Variants in CNTNAP1 observed in about 807,000 individuals in gnomAD.
CNTNAP1 encodes contactin associated protein 1, also known as contactin-associated protein 1.
A neutral mutation model predicts 161.5 loss-of-function variants in CNTNAP1; 80 were observed. The ratio of observed to expected loss-of-function variants is 0.50; its 90% CI spans 0.41 to 0.60. The LOEUF (loss-of-function observed/expected upper bound fraction) is 0.60, where lower values mean the gene tolerates loss of function less well. Ranked by LOEUF, CNTNAP1 falls within the 20% of genes least tolerant of loss-of-function variation. The probability of loss-of-function intolerance (pLI) is 0.00; values close to 1 mark genes in which losing one functional copy is unlikely to be tolerated. For missense variants in CNTNAP1, 1,464 were observed against 1,854.8 expected, an observed-to-expected ratio of 0.79 and a Z score of 3.87; for synonymous variants, 695 against 733.1, an observed-to-expected ratio of 0.95 and a Z score of 0.84.
In CNTNAP1 at chr17:42,687,707, C is replaced by T. The variant is rs780211584; in HGVS notation, c.1045-13C>T. 4 of 1,612,984 alleles carry T rather than the reference C, an allele frequency of 2.5e-6. No homozygotes were observed. The highest frequency in any genetic ancestry group is 1.3e-5 in the African/African-American group (1 of 74,876). ...GCTCACGGGTGTTGATGCGTCTTCA[C>T]TTTTGCCCCTAGGGTAAGGTGGCTT... On this transcript the variant is annotated splice_polypyrimidine_tract_variant and intron_variant, in intron 7 of 23. Coordinates refer to ENST00000264638, the MANE Select transcript of CNTNAP1 (RefSeq NM_003632.3). This position sits in a 1 kb window ranked among gnomAD's most constrained non-coding sequence, Gnocchi z 4.7.
In CNTNAP1 at chr17:42,690,762, C is replaced by T. The variant is rs1028647207; in HGVS notation, c.1879C>T (p.Arg627Trp). 1.4e-5 allele frequency: 22 copies of T among 1,614,000 alleles called. No individual in the cohort carries two copies. The highest frequency in any genetic ancestry group is 4.4e-5 in the South Asian group (4 of 91,082). Residue 627 changes from arginine (R) to tryptophan (W), a missense_variant, in exon 13 of 24, where the codon CGG becomes TGG. Transcript: ENST00000264638. ...IRENRAWTVV[R>W]HDRLWTTRVT... ...AGAGAACCGAGCGTGGACAGTTGTG[C>T]GGCATGACAGGCTGTGGACAACTCG... is the stretch of plus-strand genomic sequence containing the variant.
intron 18 of CNTNAP1, among the ~76,000 whole-genome samples, chr17:42,693,829 C>T (rs967550325): frequency 6.6e-6 from 1 of 151,968 alleles, no homozygotes; most frequent in African/African-American, 2.4e-5. Flanking sequence ...CGAGACCAGC[C>T]TGGGCAACAT....
rs762914480 is a variant in CNTNAP1, at chr17:42,689,060, C to T, written c.1628+13C>T. ...GCATCACTGATAGGTACCCAGAAGCCCCTAACAAGAGATGACCCCTCCAAA... is the reference window on the plus strand; with the variant it reads ...GCATCACTGATAGGTACCCAGAAGCTCCTAACAAGAGATGACCCCTCCAAA... On this transcript the variant is annotated intron_variant, in intron 10 of 23. Coordinates refer to ENST00000264638, the MANE Select transcript of CNTNAP1 (RefSeq NM_003632.3). The T allele has an allele frequency of 4.5e-6, 7 of 1,548,308 alleles. No homozygotes were observed.
Position 42,687,905 on chromosome 17 carries a change from G to A in CNTNAP1, c.1230G>A (p.Val410=). The A allele has an allele frequency of 1.2e-6, 2 of 1,614,224 alleles. No homozygotes were observed. Among genetic ancestry groups the A allele is most frequent in the Non-Finnish European group, 1.7e-6 (2 of 1,180,044 alleles). The part of the protein sequence containing the change: ...FSRLGDGLGH[V]ELTLSEGQVN... ...GTCTGGGGGACGGGCTGGGCCACGT[G>A]GAGCTGACGCTCAGCGAAGGGCAGG... Residue 410 remains valine (V), a synonymous_variant, in exon 8 of 24, where the codon GTG becomes GTA. Transcript: ENST00000264638. The surrounding 1 kb of genome is among the most constrained non-coding windows in gnomAD (Gnocchi z 4.7).
Position 42,684,241 on chromosome 17 carries a change from G to A in CNTNAP1, c.363+12G>A, listed in dbSNP as rs1285263627. 6 of 1,606,852 alleles carry A rather than the reference G, an allele frequency of 3.7e-6. No homozygotes were observed. The highest frequency in any genetic ancestry group is 1.7e-5 in the Admixed American group (1 of 59,668). On this transcript the variant is annotated intron_variant, in intron 3 of 23. Coordinates refer to ENST00000264638, the MANE Select transcript of CNTNAP1 (RefSeq NM_003632.3). ...GAGGGCACAACTCGGTACTCTGGGC[G>A]CCAAGGCGGTAACACTTGGGGAGCT...
At chr17:42,693,252 C>T (rs962905209) in intron 17 of CNTNAP1, 45 bp from the exon 18 acceptor site, 1 of 1,608,192 alleles carries the variant, frequency 6.2e-7, no homozygotes, top group African/African-American at 1.3e-5. Flanking sequence ...AGCCACCGCG[C>T]CTGGCCCTGC....
At position 42,687,675 on chromosome 17, in the gene CNTNAP1, A is replaced by T; in HGVS notation, c.1045-45A>T. 6.3e-7 allele frequency: 1 copy of T among 1,597,720 alleles called. No homozygotes were observed. Among genetic ancestry groups the T allele is most frequent in the Non-Finnish European group, 8.5e-7 (1 of 1,170,244 alleles). On this transcript the variant is annotated intron_variant, in intron 7 of 23. Coordinates refer to ENST00000264638, the MANE Select transcript of CNTNAP1 (RefSeq NM_003632.3). This position sits in a 1 kb window ranked among gnomAD's most constrained non-coding sequence, Gnocchi z 4.7. The stretch of plus-strand genomic sequence containing the variant: ...TGAAAACTGAATTCCCAGCTGAGGC[A>T]GAGGCGGCTCACGGGTGTTGATGCG...
intron 23 of CNTNAP1, 73 bp downstream of exon 23, chr17:42,698,023 G>A: frequency 6.5e-7 from 1 of 1,548,872 alleles, no homozygotes; most frequent in Admixed American, 1.7e-5. Context: ...CCCTGCCCCT[G>A]ATCCCCAAGG....
intron 8 of CNTNAP1, 118 bp from the exon 9 acceptor site, chr17:42,688,344 C>G: frequency 2.2e-6 from 3 of 1,360,338 alleles, no homozygotes; most frequent in Non-Finnish European, 2.1e-6. Flanking sequence ...GAAGTGTAAT[C>G]ACGGGGGCAC....
Position 42,692,548 on chromosome 17 carries a change from C to T in CNTNAP1, c.2580C>T (p.Asn860=). Residue 860 remains asparagine (N), a synonymous_variant, in exon 17 of 24, where the codon AAC becomes AAT. Transcript: ENST00000264638. ...TTGATGTGGGGAATGGGGATGAGAA[C>T]CTCACAGTACACTCAGACGACTTTG... ...FAFDVGNGDE[N]LTVHSDDFEF... is the part of the protein sequence containing the mutation. 1 of 1,614,194 alleles carries T rather than the reference C, an allele frequency of 6.2e-7. No homozygotes were observed. The highest frequency in any genetic ancestry group is 8.5e-7 in the Non-Finnish European group (1 of 1,180,038).
intron 18 of CNTNAP1, 107 bp from the exon 19 acceptor site, chr17:42,695,414 T>C: frequency 1.1e-6 from 1 of 869,838 alleles, no homozygotes; most frequent in Non-Finnish European, 1.8e-6. Context: ...GTTGTGAGGG[T>C]GGCAGAAACT....
rs754000755 is a variant in CNTNAP1 at position 42,690,887 on chromosome 17, T to C, written c.2004T>C (p.His668=). 6.2e-7 allele frequency: 1 copy of C among 1,614,204 alleles called. No individual in the cohort carries two copies. The highest frequency in any genetic ancestry group is 8.5e-7 in the Non-Finnish European group (1 of 1,180,042). ...GTGCCCTTGCCAATGCTTCCCAGCA[T>C]TGTGAACAGTGGATCGAGTTCTCCT... ...EVSALANASQ[H]CEQWIEFSCY... is the part of the protein sequence containing the mutation. The change falls in exon 13 of 24, where the codon CAT becomes CAC. Residue 668 remains histidine (H), a synonymous_variant. Coordinates refer to ENST00000264638, the MANE Select transcript of CNTNAP1 (RefSeq NM_003632.3).
chr17:42,682,601 A>C lies in CNTNAP1; in HGVS notation c.-229A>C. 1.8e-6 allele frequency: 1 copy of C among 558,362 alleles called. No individual in the cohort carries two copies. The highest frequency in any genetic ancestry group is 3.2e-6 in the Non-Finnish European group (1 of 314,908). The allele number at this position is 558,362 out of a possible 1,614,324, so 34.6% of individuals were successfully genotyped here. On this transcript the variant is annotated 5_prime_UTR_variant, in exon 1 of 24. Transcript: ENST00000264638. ...TGAGAGGAAAGAGGGTGGAAAGGAG[A>C]GGATAGAGAGAGAAGAGCGGAGGAC...
Position 42,690,730 on chromosome 17 carries a change from G to T in CNTNAP1, c.1856-9G>T. 2 of 1,612,276 alleles carry T rather than the reference G, an allele frequency of 1.2e-6. No individual in the cohort carries two copies. The highest frequency in any genetic ancestry group is 1.7e-6 in the Non-Finnish European group (2 of 1,178,496). On this transcript the variant is annotated splice_polypyrimidine_tract_variant and intron_variant, in intron 12 of 23. Coordinates refer to ENST00000264638, the MANE Select transcript of CNTNAP1 (RefSeq NM_003632.3). ...TCCAGCCAAAGCTCTGTCCCCTCTTGTCTGCCAGAGAACCGAGCGTGGACA... is the reference window on the plus strand; with the variant it reads ...TCCAGCCAAAGCTCTGTCCCCTCTTTTCTGCCAGAGAACCGAGCGTGGACA...
Position 42,687,032 on chromosome 17 carries a change from C to T in CNTNAP1, c.1030C>T (p.Arg344Trp), listed in dbSNP as rs566950806. 6.2e-7 allele frequency: 1 copy of T among 1,613,016 alleles called. No homozygotes were observed. The highest frequency in any genetic ancestry group is 1.1e-5 in the South Asian group (1 of 91,042). ...IADLAVRRHS[R>W]ITFEGKVAFR... ...AGACCTGGCCGTGCGGCGCCATTCC[C>T]GGATCACCTTCGAGGCCAGTGGGCA... Residue 344 changes from arginine to tryptophan, a missense_variant, in exon 7 of 24, where the codon CGG (arginine) becomes TGG (tryptophan). Arg to Trp is a moderately radical substitution (Grantham distance 101, BLOSUM62 -3). Around this residue, in one of 3 missense-constraint regions of CNTNAP1, gnomAD observed 1,383 missense variants for 1,765.0 expected, o/e 0.78. Transcript: ENST00000264638. The surrounding 1 kb of genome is among the most constrained non-coding windows in gnomAD (Gnocchi z 4.7).
Position 42,697,794 on chromosome 17 carries a change from C to A in CNTNAP1, c.3809C>A (p.Pro1270His). The change falls in exon 22 of 24, where the codon CCC becomes CAC. Residue 1270 changes from proline to histidine, a missense_variant. Physicochemically the swap from Pro to His is moderately conservative, Grantham distance 77. Coordinates refer to ENST00000264638, the MANE Select transcript of CNTNAP1 (RefSeq NM_003632.3). The stretch of plus-strand genomic sequence containing the variant: ...CCTGAGCTTGATCCCTGGTATCTGC[C>A]CCCAGGTACATTCCCAGGACACAGA... ...VPPELDPWYLPPDFPYYHDEG... is the reference protein window; with the variant it reads ...VPPELDPWYLHPDFPYYHDEG... The A allele has an allele frequency of 6.2e-7, 1 of 1,614,116 alleles. No homozygotes were observed. The highest frequency in any genetic ancestry group is 1.6e-4 in the Middle Eastern group (1 of 6,062).
rs778035433 is a variant in CNTNAP1, at chr17:42,691,966, A to G, written c.2505A>G (p.Arg835=). ...NMGGPYCQWR[R]PYVRVELNTS... ...GGGGCCCTTACTGCCAGTGGCGCCG[A>G]CCTTATGTGCGGGTGGAACTCAACA... Residue 835 remains arginine, a synonymous_variant, in exon 16 of 24, where the codon CGA becomes CGG. Coordinates refer to ENST00000264638, the MANE Select transcript of CNTNAP1 (RefSeq NM_003632.3). This position sits in a 1 kb window ranked among gnomAD's most constrained non-coding sequence, Gnocchi z 4.3. 1 of 1,613,826 alleles carries G rather than the reference A, an allele frequency of 6.2e-7. No individual in the cohort carries two copies. Among genetic ancestry groups the G allele is most frequent in the South Asian group, 1.1e-5 (1 of 91,072 alleles).
In CNTNAP1 at chr17:42,687,414, C is replaced by A; in HGVS notation, c.1045-306C>A. ...CCGACTCTGGAGCTCTGTTGGGAAG[C>A]TGGCAGGAGCCAGGTCTGTGGTCCA... On this transcript the variant is annotated intron_variant, in intron 7 of 23. Coordinates refer to ENST00000264638, the MANE Select transcript of CNTNAP1 (RefSeq NM_003632.3). The surrounding 1 kb of genome is among the most constrained non-coding windows in gnomAD (Gnocchi z 4.7). 1 of 520,760 alleles carries A rather than the reference C, an allele frequency of 1.9e-6. No individual in the cohort carries two copies. The highest frequency in any genetic ancestry group is 2.5e-5 in the South Asian group (1 of 40,396). 32.3% of individuals were successfully genotyped at this position (520,760 alleles called of 1,614,324 possible). A position where few individuals can be genotyped will look rare whatever the true frequency, so the allele number is the denominator to read the frequency against.
chr17:42,687,315 G>T lies in CNTNAP1; in HGVS notation c.1044+269G>T, dbSNP rs1170063609. ...AGACACAGGGAGTGGCTTGTCCAGG[G>T]GTCGTGCAGCTGCACGGTGGCTGAG... On this transcript the variant is annotated intron_variant, in intron 7 of 23. Transcript: ENST00000264638. This position sits in a 1 kb window ranked among gnomAD's most constrained non-coding sequence, Gnocchi z 4.7. The T allele has an allele frequency of 5.8e-6, 3 of 521,358 alleles. No individual in the cohort carries two copies. Among genetic ancestry groups the T allele is most frequent in the Non-Finnish European group, 1.0e-5 (3 of 294,376 alleles). The allele number at this position is 521,358 out of a possible 1,614,324, so 32.3% of individuals were successfully genotyped here. A position where few individuals can be genotyped will look rare whatever the true frequency, so the allele number is the denominator to read the frequency against.
Sources: gnomAD v4.1 joint callset for allele counts (sites outside exome capture counted in the v4.1 genomes callset) on GRCh38, gnomAD v4.1.1 for gene constraint, gnomAD v4.1.1 regional missense constraint, Gnocchi (gnomAD v3.1) non-coding constraint, MANE v1.5 for transcripts, NCBI Gene and HGNC (gene_info 2026-07-23, HGNC 2026-07-21) for gene names.